TRPC4: variants seen among roughly 807,000 people sequenced by gnomAD.
The protein encoded by TRPC4 is short transient receptor potential channel 4.
A neutral mutation model predicts 99.4 loss-of-function variants in TRPC4; 49 were observed. The observed-to-expected ratio is 0.49, with a 90% CI of 0.39 to 0.63. TRPC4 has a LOEUF of 0.63. TRPC4 is among the 20% of genes least tolerant of loss of function. The probability of loss-of-function intolerance (pLI) is 0.00; values close to 1 mark genes in which losing one functional copy is unlikely to be tolerated. For missense variants in TRPC4, 898 were observed against 1,152.9 expected (o/e 0.78, Z 3.20); for synonymous variants, 454 against 425.9 (o/e 1.07, Z -0.81).
intron 1 of TRPC4, among the ~76,000 whole-genome samples, chr13:37,848,625 C>T (rs539346687): frequency 6.6e-6 from 1 of 152,218 alleles, no homozygotes; most frequent in East Asian, 1.9e-4. Context: ...CACACACACA[C>T]CCTCATCCCA....
intron 1 of TRPC4, among the ~76,000 whole-genome samples, chr13:37,787,417 G>A (rs928664309): frequency 1.3e-5 from 2 of 151,932 alleles, no homozygotes; most frequent in African/African-American, 4.8e-5. Context: ...ATTTTTTCTT[G>A]ATATTGTTCT....
chr13:37,753,238 G>C (rs1161968176), intron 2 of TRPC4, among the ~76,000 whole-genome samples: 1 of 152,032 alleles, frequency 6.6e-6, no homozygotes. Context: ...ACTTTCTTTA[G>C]AGTATAGTAT....
At chr13:37,759,364 C>G (rs1170771844) in intron 2 of TRPC4, among the ~76,000 whole-genome samples, 1 of 151,570 alleles carries the variant, frequency 6.6e-6, no homozygotes, top group Non-Finnish European at 1.5e-5. Context: ...GCTCTTAAAG[C>G]AAGATTGTAA....
At chr13:37,845,076 C>A (rs1036813902) in intron 1 of TRPC4, among the ~76,000 whole-genome samples, 10 of 152,240 alleles carry the variant, frequency 6.6e-5, no homozygotes, top group Admixed American at 2.6e-4. Flanking sequence ...GTTAGAAATA[C>A]CATTCAAATT....
chr13:37,759,890 C>G (rs1306943394), intron 2 of TRPC4, among the ~76,000 whole-genome samples: 2 of 151,904 alleles, frequency 1.3e-5, no homozygotes, highest in African/African-American at 4.8e-5. Flanking sequence ...CAATTTGTGT[C>G]CTGATGGAAA....
chr13:37,859,609 G>T (rs576081023), intron 1 of TRPC4, among the ~76,000 whole-genome samples: 2 of 151,472 alleles, frequency 1.3e-5, no homozygotes, highest in South Asian at 4.2e-4. Flanking sequence ...GAAATGAAAT[G>T]AATTTCCAAC....
At chr13:37,681,507 C>T (rs778038455) in intron 4 of TRPC4, among the ~76,000 whole-genome samples, 1 of 151,922 alleles carries the variant, frequency 6.6e-6, no homozygotes, top group Non-Finnish European at 1.5e-5. Flanking sequence ...TAGTTCTAGT[C>T]ACCACATACC....
chr13:37,731,067 T>A (rs1433220114), intron 3 of TRPC4, among the ~76,000 whole-genome samples: 1 of 152,038 alleles, frequency 6.6e-6, no homozygotes, highest in African/African-American at 2.4e-5. Context: ...AAATTCTATA[T>A]ATTATATTTT....
intron 3 of TRPC4, among the ~76,000 whole-genome samples, chr13:37,721,327 T>A (rs1309602503): frequency 6.6e-6 from 1 of 152,208 alleles, no homozygotes; most frequent in Non-Finnish European, 1.5e-5. Context: ...GTCCAGTAAG[T>A]CATTTATTGA....
At chr13:37,760,634 G>T (rs1047414073) in intron 2 of TRPC4, among the ~76,000 whole-genome samples, 1 of 151,890 alleles carries the variant, frequency 6.6e-6, no homozygotes, top group South Asian at 2.1e-4. Flanking sequence ...TGGCCCACAG[G>T]CTGTATGTGG....
chr13:37,855,873 C>G (rs1307365963), intron 1 of TRPC4, among the ~76,000 whole-genome samples: 2 of 151,760 alleles, frequency 1.3e-5, no homozygotes, highest in Non-Finnish European at 3.0e-5. Context: ...ATATGGGATA[C>G]AGCTAAAGCA....
intron 3 of TRPC4, among the ~76,000 whole-genome samples, chr13:37,744,441 T>G (rs938598251): frequency 6.6e-6 from 1 of 152,106 alleles, no homozygotes; most frequent in Non-Finnish European, 1.5e-5. Context: ...ATAGCAAATG[T>G]GATTTTAGAG....
Position 37,831,481 on chromosome 13 carries a change from C to T in TRPC4, c.-28+38114G>A, listed in dbSNP as rs557804280. 9.3e-4 allele frequency among the ~76,000 whole-genome samples: 141 copies of T among 152,026 alleles called. 1 individual carries two copies. The highest frequency in any genetic ancestry group is 3.4e-3 in the Middle Eastern group (1 of 294). ...CATTTTGGAATATAGTATGGAGGTT[C>T]GAAAAAACAAAATGGAATCACCATA... On this transcript the variant is annotated intron_variant, in intron 1 of 10. Coordinates refer to ENST00000379705, the MANE Select transcript of TRPC4 (RefSeq NM_016179.4).
At chr13:37,758,702 A>G (rs1306914959) in intron 2 of TRPC4, among the ~76,000 whole-genome samples, 2 of 151,738 alleles carry the variant, frequency 1.3e-5, no homozygotes, top group African/African-American at 2.4e-5. Flanking sequence ...ACAAAAATCT[A>G]TACTTTTCTT....
At chr13:37,789,649 T>C (rs1314077335) in intron 1 of TRPC4, among the ~76,000 whole-genome samples, 1 of 152,082 alleles carries the variant, frequency 6.6e-6, no homozygotes, top group Admixed American at 6.6e-5. Flanking sequence ...CAATAGCTGT[T>C]AAGCTATCAA....
chr13:37,840,113 A>T (rs961793211), intron 1 of TRPC4, among the ~76,000 whole-genome samples: 3 of 152,154 alleles, frequency 2.0e-5, no homozygotes, highest in Non-Finnish European at 2.9e-5. Context: ...CTCCAGGAAG[A>T]TATATCAAAT....
At chr13:37,662,791 A>G (rs971555828) in intron 6 of TRPC4, among the ~76,000 whole-genome samples, 19 of 152,330 alleles carry the variant, frequency 1.2e-4, no homozygotes, top group Non-Finnish European at 1.3e-4. Context: ...CACAGTGCCC[A>G]TGAAGCTGTG....
chr13:37,848,852 T>C (rs556806313), intron 1 of TRPC4, among the ~76,000 whole-genome samples: 1 of 152,336 alleles, frequency 6.6e-6, no homozygotes, highest in African/African-American at 2.4e-5. Flanking sequence ...AGAACTAACA[T>C]GCTTTTGTAG....
intron 3 of TRPC4, among the ~76,000 whole-genome samples, chr13:37,726,027 C>G: frequency 6.6e-6 from 1 of 152,014 alleles, no homozygotes; most frequent in East Asian, 1.9e-4. Context: ...GAAACCCCTT[C>G]TCTACTAAAA....
Sources: gnomAD v4.1 joint callset for allele counts (sites outside exome capture counted in the v4.1 genomes callset) on GRCh38, gnomAD v4.1.1 for gene constraint, MANE v1.5 for transcripts, NCBI Gene and HGNC (gene_info 2026-07-23, HGNC 2026-07-21) for gene names.